OSBPL7: variants seen among roughly 807,000 people sequenced by gnomAD.
OSBPL7 encodes oxysterol binding protein like 7, also known as oxysterol-binding protein-related protein 7.
Under a neutral mutation model 115.8 loss-of-function variants are expected in OSBPL7, and 66 were observed. That is an observed-to-expected ratio of 0.57 (90% CI 0.47 to 0.70). The LOEUF (loss-of-function observed/expected upper bound fraction) is 0.70. OSBPL7 is among the 30% of genes least tolerant of loss of function. The pLI, the probability that OSBPL7 is intolerant of heterozygous loss-of-function variation, is 0.00. For synonymous variants in OSBPL7, 441 were observed against 439.2 expected, an observed-to-expected ratio of 1.00 and a Z score of -0.05; for missense variants, 902 against 1,125.5, an observed-to-expected ratio of 0.80 and a Z score of 2.84.
chr17:47,818,306 C>A lies in OSBPL7; in HGVS notation c.561G>T (p.Trp187Cys). The A allele has an allele frequency of 6.2e-7, 1 of 1,614,048 alleles. No homozygotes were observed. ...GLGPREKVSS[W>C]LRDSDGLDRC... Reference sequence around the variant, plus strand: ...GGTCCAGCCCATCACTGTCCCTCAGCCAGGAAGACACTTTCTCCCGCGGTC... The same window carrying A: ...GGTCCAGCCCATCACTGTCCCTCAGACAGGAAGACACTTTCTCCCGCGGTC... The change falls in exon 7 of 23, where the codon TGG becomes TGT. Residue 187 changes from tryptophan to cysteine, a missense_variant. Around this residue, in one of 3 missense-constraint regions of OSBPL7, gnomAD observed 667 missense variants for 788.7 expected, o/e 0.85. Transcript: ENST00000007414.
Position 47,820,066 on chromosome 17 carries a change from G to T in OSBPL7, c.106C>A (p.Pro36Thr). 1 of 1,612,388 alleles carries T rather than the reference G, an allele frequency of 6.2e-7. No homozygotes were observed. The highest frequency in any genetic ancestry group is 8.5e-7 in the Non-Finnish European group (1 of 1,179,912). Residue 36 changes from proline (P) to threonine (T), a missense_variant, in exon 3 of 23, where the codon CCT becomes ACT. Pro to Thr is a conservative substitution (Grantham distance 38). Coordinates refer to ENST00000007414, the MANE Select transcript of OSBPL7 (RefSeq NM_145798.3). ...ASELWEVVEEPRVRLGTEGVM... is the reference protein window; with the variant it reads ...ASELWEVVEETRVRLGTEGVM... Reference sequence around the variant, plus strand: ...CCCTCTGTCCCCAGCCTGACCCGAGGCTCCTCCACCACCTCCCACAGCTCA... The same window carrying T: ...CCCTCTGTCCCCAGCCTGACCCGAGTCTCCTCCACCACCTCCCACAGCTCA...
intron 18 of OSBPL7, among the ~76,000 whole-genome samples, chr17:47,810,136 C>A (rs1255454580): frequency 6.6e-6 from 1 of 152,194 alleles, no homozygotes; most frequent in South Asian, 2.1e-4. Flanking sequence ...ATCTCTACCA[C>A]AACACCCAGA....
chr17:47,808,781 GA>G lies in OSBPL7; in HGVS notation c.2297+82del. 6.2e-7 allele frequency: 1 copy of G among 1,603,852 alleles called. No homozygotes were observed. The highest frequency in any genetic ancestry group is 8.5e-7 in the Non-Finnish European group (1 of 1,172,820). On this transcript the variant is annotated intron_variant, in intron 21 of 22. Transcript: ENST00000007414. This position sits in a 1 kb window ranked among gnomAD's most constrained non-coding sequence, Gnocchi z 6.1. The stretch of plus-strand genomic sequence containing the variant: ...CCCCACTTCTCTGAGGCCACTCAGT[GA>G]AGGAAGGACAAAGCCCCAGCTCTGT...
intron 16 of OSBPL7, among the ~76,000 whole-genome samples, chr17:47,812,179 C>T (rs1370404300): frequency 6.6e-6 from 1 of 152,222 alleles, no homozygotes; most frequent in Non-Finnish European, 1.5e-5. Context: ...CTACACTCTA[C>T]ACCCTCTGTA....
In OSBPL7 at chr17:47,808,755, G is replaced by A. The variant is rs1011214008; in HGVS notation, c.2298-95C>T. Reference sequence around the variant, plus strand: ...CTGCCCAACTCTGTCCTCTAGACAAGCCCCACTTCTCTGAGGCCACTCAGT... The same window carrying A: ...CTGCCCAACTCTGTCCTCTAGACAAACCCCACTTCTCTGAGGCCACTCAGT... On this transcript the variant is annotated intron_variant, in intron 21 of 22. Coordinates refer to ENST00000007414, the MANE Select transcript of OSBPL7 (RefSeq NM_145798.3). The surrounding 1 kb of genome is among the most constrained non-coding windows in gnomAD (Gnocchi z 6.1). 16 of 1,602,116 alleles carry A rather than the reference G, an allele frequency of 1.0e-5. No individual in the cohort carries two copies. In the African/African-American group the frequency reaches 2.1e-4, roughly 21 times the overall value.
chr17:47,819,400 C>G (rs2033327804), intron 4 of OSBPL7: 1 of 560,676 alleles, frequency 1.8e-6, no homozygotes, highest in African/African-American at 1.9e-5. Flanking sequence ...GGTACCCAGG[C>G]CTTCAGTTCC....
rs1329509566 is a variant in OSBPL7, at chr17:47,816,535, C to T, written c.928+28G>A. 1 of 1,595,610 alleles carries T rather than the reference C, an allele frequency of 6.3e-7. No individual in the cohort carries two copies. The highest frequency in any genetic ancestry group is 8.5e-7 in the Non-Finnish European group (1 of 1,171,046). On this transcript the variant is annotated intron_variant, in intron 10 of 22. Coordinates refer to ENST00000007414, the MANE Select transcript of OSBPL7 (RefSeq NM_145798.3). The surrounding 1 kb of genome is among the most constrained non-coding windows in gnomAD (Gnocchi z 5.8). The stretch of plus-strand genomic sequence containing the variant: ...GTCCTCGCTCGCTCCTGTCCGCTCC[C>T]CACCAGCCCCTCCCAGCAGGCACTT...
chr17:47,809,475 A>G lies in OSBPL7; in HGVS notation c.1884T>C (p.Phe628=). ...CCTTGTTCCACTCAAAGTGGTCCCC[A>G]AACCTGAGAAAGACAAGGTATGGAA... ...VGTVNVSLPR[F]GDHFEWNKVT... The change falls in exon 19 of 23, where the codon TTT becomes TTC. Residue 628 remains phenylalanine, a synonymous_variant. Transcript: ENST00000007414. 1 of 1,610,908 alleles carries G rather than the reference A, an allele frequency of 6.2e-7. No individual in the cohort carries two copies. The highest frequency in any genetic ancestry group is 8.5e-7 in the Non-Finnish European group (1 of 1,177,324).
chr17:47,811,444 T>C (rs2033039066), intron 16 of OSBPL7, among the ~76,000 whole-genome samples: 1 of 152,008 alleles, frequency 6.6e-6, no homozygotes, highest in Non-Finnish European at 1.5e-5. Flanking sequence ...CACAGCACTC[T>C]CAGCTAATAC....
At chr17:47,814,706 C>A in intron 13 of OSBPL7, 92 bp from the exon 14 acceptor site, 1 of 1,102,516 alleles carries the variant, frequency 9.1e-7, no homozygotes, top group Non-Finnish European at 1.3e-6. Context: ...GCCCAACTAG[C>A]CCTTTGGTGG....
rs751126356 is a variant in OSBPL7, at chr17:47,816,574, A to C, written c.917T>G (p.Leu306Arg). The C allele has an allele frequency of 1.9e-6, 3 of 1,612,046 alleles. No individual in the cohort carries two copies. The highest frequency in any genetic ancestry group is 2.5e-6 in the Non-Finnish European group (3 of 1,179,180). Residue 306 changes from leucine to arginine, a missense_variant, in exon 10 of 23, where the codon CTG (leucine) becomes CGG (arginine). Around this residue, in one of 3 missense-constraint regions of OSBPL7, gnomAD observed 667 missense variants for 788.7 expected, o/e 0.85. Transcript: ENST00000007414. The surrounding 1 kb of genome is among the most constrained non-coding windows in gnomAD (Gnocchi z 5.8). ...YAHLQRSFWA[L>R]AQKVHSSLSS... ...CAGCAGGCACTTACCCTTCTGGGCC[A>C]GGGCCCAGAAGCTGCGCTGCAGGTG...
At chr17:47,809,036 G>T in intron 20 of OSBPL7, 40 bp downstream of exon 20, 1 of 1,613,740 alleles carries the variant, frequency 6.2e-7, no homozygotes, top group African/African-American at 1.3e-5. Flanking sequence ...TGCCTGAGCT[G>T]CTCCAGCCTC....
chr17:47,815,100 T>G, intron 13 of OSBPL7, 115 bp downstream of exon 13: 4 of 1,354,238 alleles, frequency 3.0e-6, no homozygotes, highest in Non-Finnish European at 4.0e-6. Context: ...GTCCCAGAGA[T>G]AGCAGCTGAG....
chr17:47,819,948 C>G, intron 3 of OSBPL7, 23 bp downstream of exon 3: 1 of 1,596,504 alleles, frequency 6.3e-7, no homozygotes, highest in African/African-American at 1.3e-5. Flanking sequence ...TGTCTGGACC[C>G]TCCCTTTGCC....
In OSBPL7 at chr17:47,818,633, G is replaced by T; in HGVS notation, c.370-17C>A. The stretch of plus-strand genomic sequence containing the variant: ...GGATTTGATCTGCAGAAGTGATGGA[G>T]AGGGGGAGGGCTATCTGAAGAGAGG... On this transcript the variant is annotated splice_polypyrimidine_tract_variant and intron_variant, in intron 5 of 22. Coordinates refer to ENST00000007414, the MANE Select transcript of OSBPL7 (RefSeq NM_145798.3). 1 of 1,601,434 alleles carries T rather than the reference G, an allele frequency of 6.2e-7. No homozygotes were observed. The highest frequency in any genetic ancestry group is 8.5e-7 in the Non-Finnish European group (1 of 1,171,408).
Position 47,809,190 on chromosome 17 carries a change from C to A in OSBPL7, c.2056G>T (p.Val686Leu), listed in dbSNP as rs758130888. Residue 686 changes from valine to leucine, a missense_variant, in exon 20 of 23, where the codon GTG (valine) becomes TTG (leucine). Physicochemically the swap from Val to Leu is conservative, Grantham distance 32. Around this residue, in one of 3 missense-constraint regions of OSBPL7, gnomAD observed 230 missense variants for 312.7 expected, o/e 0.74. Coordinates refer to ENST00000007414, the MANE Select transcript of OSBPL7 (RefSeq NM_145798.3). ...AKYWSSNVHE[V>L]QGAVLSRSGR... ...CTCCGACTGAGCACAGCGCCCTGCA[C>A]CTCGTGGACATTGGAACTCCAGTAC... 1 of 1,614,162 alleles carries A rather than the reference C, an allele frequency of 6.2e-7. No individual in the cohort carries two copies. The highest frequency in any genetic ancestry group is 8.5e-7 in the Non-Finnish European group (1 of 1,180,028).
chr17:47,810,445 T>C (rs1290971289), intron 18 of OSBPL7, 149 bp downstream of exon 18: 18 of 657,568 alleles, frequency 2.7e-5, no homozygotes, highest in Non-Finnish European at 1.1e-5. Flanking sequence ...TAAATATAGG[T>C]GTAAAACCTA....
At position 47,809,376 on chromosome 17, in the gene OSBPL7, G is replaced by A. The variant is rs1377533185; in HGVS notation, c.1983C>T (p.Asn661=). The A allele has an allele frequency of 6.2e-7, 1 of 1,614,060 alleles. No individual in the cohort carries two copies. The highest frequency in any genetic ancestry group is 8.5e-7 in the Non-Finnish European group (1 of 1,180,038). The change falls in exon 19 of 23, where the codon AAC becomes AAT. Residue 661 remains asparagine, a synonymous_variant. Transcript: ENST00000007414. ...TGCAGTGGCAGGAGCTGTCCTGTGT[G>A]TTTCGGATGAGCACCTCCCCATAGT... ...IEHYGEVLIR[N]TQDSSCHCKI...
In OSBPL7 at chr17:47,821,649, C is replaced by G. The variant is rs2033396197; in HGVS notation, c.-88+17G>C. 1 of 152,404 alleles carries G rather than the reference C, an allele frequency of 6.6e-6. No homozygotes were observed. The highest frequency in any genetic ancestry group is 2.1e-4 in the South Asian group (1 of 4,832). The allele number at this position is 152,404 out of a possible 1,614,324, so 9.4% of individuals were successfully genotyped here. On this transcript the variant is annotated intron_variant, in intron 1 of 22. Coordinates refer to ENST00000007414, the MANE Select transcript of OSBPL7 (RefSeq NM_145798.3). ...CTCTTCTCAGGAATGTCAGCTGCTG[C>G]CACGCAGCCCCCTTACCCCAGGGTC...
Sources: allele counts gnomAD v4.1 joint callset (sites outside exome capture counted in the v4.1 genomes callset), GRCh38; gene constraint gnomAD v4.1.1; regional missense constraint gnomAD v4.1.1; non-coding constraint Gnocchi (gnomAD v3.1); transcripts MANE v1.5; gene names NCBI Gene and HGNC (gene_info 2026-07-23, HGNC 2026-07-21).